DPP10: variants seen among roughly 807,000 people sequenced by gnomAD.
DPP10 encodes dipeptidyl peptidase like 10.
Under a neutral mutation model 120.9 loss-of-function variants are expected in DPP10, and 33 were observed. That is an observed-to-expected ratio of 0.27 (90% CI 0.21 to 0.37). The LOEUF is 0.37. DPP10 is among the 10% of genes least tolerant of loss of function. The pLI, the probability that DPP10 is intolerant of heterozygous loss-of-function variation, is 1.00. For synonymous variants in DPP10, 337 were observed against 326.1 expected (o/e 1.03, Z -0.36); for missense variants, 816 against 942.8 (o/e 0.87, Z 1.76).
At chr2:115,376,630 C>T (rs34851935) in intron 3 of DPP10, among the ~76,000 whole-genome samples, 4,082 of 151,064 alleles carry the variant, frequency 0.027, 69 homozygotes, top group South Asian at 0.06. Context: ...ATACATGTGC[C>T]ATGCTGGTGC....
chr2:115,246,233 A>G (rs895624973), intron 1 of DPP10, among the ~76,000 whole-genome samples: 2 of 152,266 alleles, frequency 1.3e-5, no homozygotes, highest in Non-Finnish European at 1.5e-5. Context: ...ATAGTTATCA[A>G]ACCTTCACTA....
Position 115,215,873 on chromosome 2 carries a change from A to G in DPP10, c.61-93366A>G, listed in dbSNP as rs966090200. 3.3e-5 allele frequency among the ~76,000 whole-genome samples: 5 copies of G among 152,292 alleles called. No individual in the cohort carries two copies. The East Asian group carries it at 7.7e-4, about 23-fold the overall frequency. ...CCATTCATATGTGTATTGCATTACTATTCACAATAGCAAATATATGGAATC... is the reference window on the plus strand; with the variant it reads ...CCATTCATATGTGTATTGCATTACTGTTCACAATAGCAAATATATGGAATC... On this transcript the variant is annotated intron_variant, in intron 1 of 25. Coordinates refer to ENST00000410059, the MANE Select transcript of DPP10 (RefSeq NM_020868.6).
At chr2:115,301,672 C>T (rs2061140615) in intron 1 of DPP10, among the ~76,000 whole-genome samples, 1 of 151,872 alleles carries the variant, frequency 6.6e-6, no homozygotes, top group African/African-American at 2.4e-5. Flanking sequence ...CTTGATGATC[C>T]TGTGGAGGAA....
rs1313345858 is a variant in DPP10, at chr2:115,782,369, G to A, written c.1501G>A (p.Val501Ile). ...AATTCCAGGTCCAAGGGTCCCAGTGGTCAGCCTACATAGTACGGACAACCC... is the reference window on the plus strand; with the variant it reads ...AATTCCAGGTCCAAGGGTCCCAGTGATCAGCCTACATAGTACGGACAACCC... The part of the protein sequence containing the change: ...LFCEGPRVPV[V>I]SLHSTDNPAK... Residue 501 changes from valine to isoleucine, a missense_variant, in exon 17 of 26, where the codon GTC becomes ATC. Physicochemically the swap from Val to Ile is conservative, Grantham distance 29. Around this residue, in one of 3 missense-constraint regions of DPP10, gnomAD observed 592 missense variants for 649.0 expected, o/e 0.91. Coordinates refer to ENST00000410059, the MANE Select transcript of DPP10 (RefSeq NM_020868.6). 6.2e-7 allele frequency: 1 copy of A among 1,611,974 alleles called. No homozygotes were observed. The highest frequency in any genetic ancestry group is 8.5e-7 in the Non-Finnish European group (1 of 1,178,514).
chr2:115,808,353 G>A (rs1686257617), intron 19 of DPP10, among the ~76,000 whole-genome samples: 1 of 152,170 alleles, frequency 6.6e-6, no homozygotes, highest in Non-Finnish European at 1.5e-5. Flanking sequence ...GTTCTTGAAT[G>A]AGAGTGCAGG....
chr2:115,675,258 A>T (rs991245150), intron 5 of DPP10, among the ~76,000 whole-genome samples: 2 of 152,212 alleles, frequency 1.3e-5, no homozygotes, highest in African/African-American at 4.8e-5. Flanking sequence ...TATTAAAGTT[A>T]TAATGCAGAC....
chr2:115,405,679 A>G (rs563272389), intron 3 of DPP10, among the ~76,000 whole-genome samples: 11 of 152,312 alleles, frequency 7.2e-5, no homozygotes, highest in Admixed American at 5.2e-4. Context: ...TTCTGCCTGC[A>G]TGCGGAATTA....
At chr2:115,680,497 G>A (rs1321260034) in intron 5 of DPP10, among the ~76,000 whole-genome samples, 1 of 151,848 alleles carries the variant, frequency 6.6e-6, no homozygotes, top group Admixed American at 6.6e-5. Flanking sequence ...AGAACAAATT[G>A]CATTGAGCAA....
At chr2:115,437,598 T>G (rs2071610826) in intron 3 of DPP10, among the ~76,000 whole-genome samples, 1 of 152,062 alleles carries the variant, frequency 6.6e-6, no homozygotes, top group Non-Finnish European at 1.5e-5. Flanking sequence ...TATGTGGTGC[T>G]TTGAAAATTG....
At chr2:115,787,940 G>A (rs566571084) in intron 17 of DPP10, among the ~76,000 whole-genome samples, 21 of 152,076 alleles carry the variant, frequency 1.4e-4, no homozygotes, top group Admixed American at 3.3e-4. Flanking sequence ...AAATGCTGAC[G>A]GAAAACCAAA....
At chr2:114,755,992 A>G (rs1410443515) in intron 1 of DPP10, among the ~76,000 whole-genome samples, 5 of 151,982 alleles carry the variant, frequency 3.3e-5, no homozygotes, top group Non-Finnish European at 1.5e-5. Flanking sequence ...GATGGGAGAA[A>G]CAACCCTGAC....
chr2:115,026,137 G>C (rs905991947), intron 1 of DPP10, among the ~76,000 whole-genome samples: 4 of 152,040 alleles, frequency 2.6e-5, no homozygotes, highest in Non-Finnish European at 4.4e-5. Flanking sequence ...TTTTCTTTTA[G>C]TAGTTTCATA....
chr2:114,894,666 G>A (rs543630864), intron 1 of DPP10, among the ~76,000 whole-genome samples: 25 of 152,024 alleles, frequency 1.6e-4, no homozygotes, highest in South Asian at 8.3e-4. Context: ...GAATGATTTC[G>A]CGGATTTTTA....
intron 1 of DPP10, among the ~76,000 whole-genome samples, chr2:114,997,227 C>T (rs533698113): frequency 5.9e-5 from 9 of 151,612 alleles, no homozygotes; most frequent in South Asian, 2.1e-4. Context: ...CATAGATGCA[C>T]GCCTGTAATT....
At chr2:115,585,385 AAAAT>A (rs1168540672) in intron 5 of DPP10, among the ~76,000 whole-genome samples, 7 of 152,248 alleles carry the variant, frequency 4.6e-5, no homozygotes, top group African/African-American at 7.2e-5. Flanking sequence ...GCAGTACTAA[AAAAT>A]AAATAAATAC....
chr2:115,016,566 C>A (rs1233229443), intron 1 of DPP10, among the ~76,000 whole-genome samples: 1 of 151,794 alleles, frequency 6.6e-6, no homozygotes, highest in Non-Finnish European at 1.5e-5. Flanking sequence ...AGTGAACAGG[C>A]AACCTACAGA....
At chr2:115,085,586 C>A (rs1708625016) in intron 1 of DPP10, among the ~76,000 whole-genome samples, 1 of 152,116 alleles carries the variant, frequency 6.6e-6, no homozygotes, top group Non-Finnish European at 1.5e-5. Context: ...AAATTTCAAA[C>A]TGGAAAATCA....
rs758687151 is a variant in DPP10, at chr2:115,032,462, GAT to G, written c.61-276774_61-276773del. Among the ~76,000 whole-genome samples, 148 of 152,248 alleles carry G rather than the reference GAT, an allele frequency of 9.7e-4. 1 individual carries two copies. In the Middle Eastern group the frequency reaches 0.02, roughly 21 times the overall value. On this transcript the variant is annotated intron_variant, in intron 1 of 25. Transcript: ENST00000410059. ...CAGTGTGATTCAGAATACAAAGAAA[GAT>G]ATTTATTTTCCTTTAGCAATAATCA...
At chr2:115,743,170 G>T (rs1226797095) in intron 9 of DPP10, among the ~76,000 whole-genome samples, 1 of 151,926 alleles carries the variant, frequency 6.6e-6, no homozygotes, top group Non-Finnish European at 1.5e-5. Flanking sequence ...CCTCCAATCT[G>T]CAAACTCTTG....
Sources: allele counts gnomAD v4.1 joint callset (sites outside exome capture counted in the v4.1 genomes callset), GRCh38; gene constraint gnomAD v4.1.1; regional missense constraint gnomAD v4.1.1; transcripts MANE v1.5; gene names NCBI Gene and HGNC (gene_info 2026-07-23, HGNC 2026-07-21).